Variants in TMEM120B observed in about 807,000 individuals in gnomAD.
TMEM120B encodes transmembrane protein 120B.
TMEM120B carries 31 observed loss-of-function variants against 55.5 expected under a neutral mutation model. The ratio of observed to expected loss-of-function variants is 0.56; its 90% CI spans 0.42 to 0.75. The LOEUF is 0.75. TMEM120B is among the 30% of genes least tolerant of loss of function. The pLI is 0.00. For synonymous variants in TMEM120B, 203 were observed against 176.3 expected, an observed-to-expected ratio of 1.15 and a Z score of -1.20; for missense variants, 399 against 425.5, an observed-to-expected ratio of 0.94 and a Z score of 0.55.
intron 1 of TMEM120B, among the ~76,000 whole-genome samples, chr12:121,724,083 G>A (rs1209940578): frequency 1.5e-5 from 2 of 137,428 alleles, no homozygotes; most frequent in African/African-American, 5.4e-5. Context: ...TGTCACCCAG[G>A]CTGGAGTGCA....
chr12:121,781,432 C>T lies in TMEM120B; in HGVS notation c.*5710C>T. 4.2e-6 allele frequency: 2 copies of T among 479,650 alleles called. No homozygotes were observed. Among genetic ancestry groups the T allele is most frequent in the Non-Finnish European group, 7.6e-6 (2 of 262,232 alleles). The allele number at this position is 479,650 out of a possible 1,614,324, so 29.7% of individuals were successfully genotyped here. A position where few individuals can be genotyped will look rare whatever the true frequency, so the allele number is the denominator to read the frequency against. ...GCTACAGTGAGCCGTGATCATGCCA[C>T]TGCACTCCAGCCTGGGTGACAGAGC... On this transcript the variant is annotated 3_prime_UTR_variant, in exon 12 of 12. Coordinates refer to ENST00000449592, the MANE Select transcript of TMEM120B (RefSeq NM_001080825.2).
In TMEM120B at chr12:121,779,524, T is replaced by G. The variant is rs145959118; in HGVS notation, c.*3802T>G. On this transcript the variant is annotated 3_prime_UTR_variant, in exon 12 of 12. Coordinates refer to ENST00000449592, the MANE Select transcript of TMEM120B (RefSeq NM_001080825.2). ...CAGAGCAGCAGGCAGAGCCGGCGCT[T>G]CTTCTGCCGTTGCGCCTTCTTCAGA... The G allele has an allele frequency of 5.3e-4, 850 of 1,613,144 alleles. 1 individual carries two copies. The highest frequency in any genetic ancestry group is 2.9e-3 in the South Asian group (266 of 91,084).
intron 5 of TMEM120B, among the ~76,000 whole-genome samples, chr12:121,759,179 C>T (rs1162506089): frequency 6.8e-6 from 1 of 146,886 alleles, no homozygotes; most frequent in African/African-American, 2.5e-5. Context: ...TCCCAAAGTG[C>T]TGGGATTACA....
Position 121,778,783 on chromosome 12 carries a change from C to A in TMEM120B, c.*3061C>A, listed in dbSNP as rs2137458806. 1 of 152,466 alleles carries A rather than the reference C, an allele frequency of 6.6e-6. No individual in the cohort carries two copies. The highest frequency in any genetic ancestry group is 1.9e-4 in the East Asian group (1 of 5,178). 9.4% of individuals were successfully genotyped at this position (152,466 alleles called of 1,614,324 possible). On this transcript the variant is annotated 3_prime_UTR_variant, in exon 12 of 12. Coordinates refer to ENST00000449592, the MANE Select transcript of TMEM120B (RefSeq NM_001080825.2). ...CACACTGGGAGCCGACTGTTCTTCC[C>A]ATCCCAAGTCTCTGACACTGGGGGC...
At chr12:121,774,355 A>G (rs2137413026) in intron 9 of TMEM120B, among the ~76,000 whole-genome samples, 1 of 152,312 alleles carries the variant, frequency 6.6e-6, no homozygotes, top group East Asian at 1.9e-4. Flanking sequence ...GTGAAAATTC[A>G]TTATAAAATG....
intron 6 of TMEM120B, among the ~76,000 whole-genome samples, chr12:121,765,269 A>G (rs1253957510): frequency 6.6e-6 from 1 of 151,610 alleles, no homozygotes; most frequent in Non-Finnish European, 1.5e-5. Flanking sequence ...AGCTGGGATT[A>G]GAGGTGCACA....
chr12:121,760,377 AC>A (rs1873633963), intron 5 of TMEM120B, among the ~76,000 whole-genome samples: 2 of 148,996 alleles, frequency 1.3e-5, no homozygotes, highest in African/African-American at 5.1e-5. Flanking sequence ...GTGCCCTTTG[AC>A]CTGGGGTCTT....
chr12:121,720,823 C>T (rs1372411615), intron 1 of TMEM120B, among the ~76,000 whole-genome samples: 1 of 152,188 alleles, frequency 6.6e-6, no homozygotes, highest in Non-Finnish European at 1.5e-5. Flanking sequence ...TACTGGACTG[C>T]CCAGCGACTT....
chr12:121,753,843 G>A (rs1873403307), intron 5 of TMEM120B, among the ~76,000 whole-genome samples: 2 of 152,234 alleles, frequency 1.3e-5, no homozygotes, highest in Non-Finnish European at 2.9e-5. Context: ...TCACAGGGCT[G>A]TGACAATTCA....
At chr12:121,732,656 T>C (rs925111277) in intron 1 of TMEM120B, among the ~76,000 whole-genome samples, 2 of 152,106 alleles carry the variant, frequency 1.3e-5, no homozygotes, top group African/African-American at 4.8e-5. Context: ...GTATAGCTAC[T>C]CTGAAGGGCA....
intron 1 of TMEM120B, among the ~76,000 whole-genome samples, chr12:121,735,200 A>C (rs1463269845): frequency 6.7e-6 from 1 of 149,674 alleles, no homozygotes; most frequent in South Asian, 2.1e-4. Context: ...AAAAAAAAAA[A>C]CAAAAAAAAA....
chr12:121,760,827 C>T (rs143374168), intron 5 of TMEM120B, among the ~76,000 whole-genome samples: 1 of 152,256 alleles, frequency 6.6e-6, no homozygotes, highest in African/African-American at 2.4e-5. Context: ...GATTAGCTAC[C>T]TACTCTAACT....
At chr12:121,763,958 G>T (rs912013825) in intron 6 of TMEM120B, among the ~76,000 whole-genome samples, 6 of 152,108 alleles carry the variant, frequency 3.9e-5, no homozygotes, top group African/African-American at 1.2e-4. Flanking sequence ...CCCCCCTCCT[G>T]CCTGGCCTCC....
intron 6 of TMEM120B, 100 bp downstream of exon 6, chr12:121,761,838 C>A: frequency 1.1e-6 from 1 of 899,776 alleles, no homozygotes; most frequent in Non-Finnish European, 1.8e-6. Context: ...CTGCATTCCT[C>A]TCCTCCTTGG....
chr12:121,755,880 C>T (rs1873462070), intron 5 of TMEM120B, among the ~76,000 whole-genome samples: 1 of 152,048 alleles, frequency 6.6e-6, no homozygotes, highest in African/African-American at 2.4e-5. Context: ...GTTAATTGCT[C>T]CACCCTTCTG....
intron 7 of TMEM120B, 97 bp from the exon 8 acceptor site, chr12:121,771,391 C>A: frequency 2.8e-6 from 3 of 1,083,612 alleles, no homozygotes; most frequent in South Asian, 1.3e-5. Flanking sequence ...ACTTTATACA[C>A]CTTTTCGCCT....
At position 121,779,258 on chromosome 12, in the gene TMEM120B, C is replaced by T. The variant is rs1235224507; in HGVS notation, c.*3536C>T. 3.6e-6 allele frequency: 2 copies of T among 560,308 alleles called. No individual in the cohort carries two copies. Among genetic ancestry groups the T allele is most frequent in the Non-Finnish European group, 6.4e-6 (2 of 312,806 alleles). The allele number at this position is 560,308 out of a possible 1,614,324, so 34.7% of individuals were successfully genotyped here. A position where few individuals can be genotyped will look rare whatever the true frequency, so the allele number is the denominator to read the frequency against. ...CTGTGATGAGGGCACTTGCGAGTCC[C>T]GACAACAGACACTGGCTCCTGCACC... On this transcript the variant is annotated 3_prime_UTR_variant, in exon 12 of 12. Transcript: ENST00000449592.
chr12:121,727,094 A>G (rs1230839999), intron 1 of TMEM120B, among the ~76,000 whole-genome samples: 1 of 151,924 alleles, frequency 6.6e-6, no homozygotes, highest in Non-Finnish European at 1.5e-5. Flanking sequence ...GATACATACA[A>G]ATAATTTTAA....
At chr12:121,717,640 C>T (rs1894723607) in intron 1 of TMEM120B, among the ~76,000 whole-genome samples, 1 of 152,150 alleles carries the variant, frequency 6.6e-6, no homozygotes, top group South Asian at 2.1e-4. Flanking sequence ...TCTCTTCTAT[C>T]TTGGCTTGTG....
Sources: gnomAD v4.1 joint callset for allele counts (sites outside exome capture counted in the v4.1 genomes callset) on GRCh38, gnomAD v4.1.1 for gene constraint, MANE v1.5 for transcripts, NCBI Gene and HGNC (gene_info 2026-07-23, HGNC 2026-07-21) for gene names.